IL1RAPL2: variants seen among roughly 807,000 people sequenced by gnomAD.
IL1RAPL2 encodes interleukin 1 receptor accessory protein like 2.
IL1RAPL2 carries 3 observed loss-of-function variants against 44.1 expected under a neutral mutation model. That is an observed-to-expected ratio of 0.07 (90% CI 0.03 to 0.18). The LOEUF (loss-of-function observed/expected upper bound fraction) is 0.18. Among genes scored for constraint, IL1RAPL2 ranks in the 10% least tolerant of loss-of-function variants. The pLI is 1.00. For synonymous variants in IL1RAPL2, 181 were observed against 178.8 expected (o/e 1.01, Z -0.10); for missense variants, 391 against 496.4 (o/e 0.79, Z 2.02).
At chrX:105,390,353 C>T (rs1233585038) in intron 5 of IL1RAPL2, among the ~76,000 whole-genome samples, 5 of 111,444 alleles carry the variant, frequency 4.5e-5, no homozygotes, top group African/African-American at 1.6e-4. Flanking sequence ...TAGAAATATT[C>T]ATATTGTTAT....
rs782039060 is a variant in IL1RAPL2 at position 105,229,465 on chromosome X, A to G, written c.357-4353A>G. On this transcript the variant is annotated intron_variant, in intron 3 of 10. Transcript: ENST00000372582. Reference sequence around the variant, plus strand: ...AAGCAGTTTGTCAGCATCTATTCACATGTCAGCATCTATTCACATGTCAGT... The same window carrying G: ...AAGCAGTTTGTCAGCATCTATTCACGTGTCAGCATCTATTCACATGTCAGT... Among the ~76,000 whole-genome samples the G allele has an allele frequency of 2.7e-5, 3 of 111,693 alleles. No homozygotes were observed. In the South Asian group the frequency reaches 1.1e-3, roughly 42 times the overall value.
At chrX:105,466,009 C>T (rs2036126394) in intron 5 of IL1RAPL2, among the ~76,000 whole-genome samples, 2 of 111,377 alleles carry the variant, frequency 1.8e-5, no homozygotes, top group African/African-American at 6.5e-5. Context: ...ATCTTCTAAA[C>T]CATCCCAATT....
Position 104,932,155 on chromosome X carries a change from C to T in IL1RAPL2, c.83-263320C>T, listed in dbSNP as rs1419359364. ...TACAGGCACCTGTCACCTGTCACCA[C>T]GCCCAGCTAATTTTTCTCTTTTTAG... On this transcript the variant is annotated intron_variant, in intron 2 of 10. Coordinates refer to ENST00000372582, the MANE Select transcript of IL1RAPL2 (RefSeq NM_017416.2). Among the ~76,000 whole-genome samples, 8 of 107,884 alleles carry T rather than the reference C, an allele frequency of 7.4e-5. No homozygotes were observed. In the Admixed American group the frequency reaches 8.1e-4, roughly 11 times the overall value. The allele number at this position is 107,884 out of a possible 115,157, so 93.7% of individuals were successfully genotyped here.
intron 5 of IL1RAPL2, among the ~76,000 whole-genome samples, chrX:105,423,583 A>T (rs997726396): frequency 1.8e-5 from 2 of 111,668 alleles, no homozygotes; most frequent in Non-Finnish European, 3.8e-5. Flanking sequence ...GGAACAAACA[A>T]CAACAACAAC....
intron 2 of IL1RAPL2, among the ~76,000 whole-genome samples, chrX:104,737,117 A>G (rs1338044701): frequency 8.9e-6 from 1 of 112,768 alleles, no homozygotes; most frequent in East Asian, 2.8e-4. Context: ...AGCCCATCTC[A>G]GTTCAAGTCA....
At chrX:104,734,146 T>C (rs1442748489) in intron 2 of IL1RAPL2, among the ~76,000 whole-genome samples, 1 of 112,208 alleles carries the variant, frequency 8.9e-6, no homozygotes, top group East Asian at 2.8e-4. Flanking sequence ...AGAATACAAT[T>C]ATCAGTGCTA....
At chrX:105,685,198 G>C (rs912526873) in intron 6 of IL1RAPL2, among the ~76,000 whole-genome samples, 1 of 112,114 alleles carries the variant, frequency 8.9e-6, no homozygotes, top group African/African-American at 3.2e-5. Flanking sequence ...GCTGGATGGA[G>C]AATGACTTTG....
At chrX:104,729,126 T>C in intron 2 of IL1RAPL2, among the ~76,000 whole-genome samples, 1 of 110,553 alleles carries the variant, frequency 9.0e-6, no homozygotes, top group Non-Finnish European at 1.9e-5. Context: ...TCACTCAATA[T>C]GAAGCAGGAA....
intron 5 of IL1RAPL2, among the ~76,000 whole-genome samples, chrX:105,386,449 A>T (rs1569432925): frequency 9.0e-6 from 1 of 111,122 alleles, no homozygotes; most frequent in Non-Finnish European, 1.9e-5. Context: ...TTTTGTTCTC[A>T]TGTGACATGA....
chrX:105,301,294 T>A (rs1176858415), intron 5 of IL1RAPL2, among the ~76,000 whole-genome samples: 1 of 111,764 alleles, frequency 8.9e-6, no homozygotes, highest in Non-Finnish European at 1.9e-5. Flanking sequence ...ATGGTAGGTA[T>A]ATACATTTCT....
intron 2 of IL1RAPL2, among the ~76,000 whole-genome samples, chrX:104,768,314 C>A (rs192234531): frequency 1.2e-4 from 13 of 111,545 alleles, no homozygotes; most frequent in Admixed American, 1.9e-4. Flanking sequence ...CTGCCTCAAC[C>A]CTTTCCCCCA....
chrX:105,656,667 G>T (rs756420189), intron 6 of IL1RAPL2, among the ~76,000 whole-genome samples: 1 of 111,761 alleles, frequency 8.9e-6, no homozygotes, highest in Non-Finnish European at 1.9e-5. Flanking sequence ...TACCTGTCAA[G>T]AAGTGGTATG....
At chrX:105,644,785 G>A (rs1003188815) in intron 6 of IL1RAPL2, among the ~76,000 whole-genome samples, 1 of 109,588 alleles carries the variant, frequency 9.1e-6, no homozygotes, top group African/African-American at 3.3e-5. Flanking sequence ...AACAGGCCTC[G>A]GTGTGTGATG....
intron 1 of IL1RAPL2, among the ~76,000 whole-genome samples, chrX:104,636,045 T>C (rs1401415035): frequency 1.2e-4 from 14 of 112,217 alleles, no homozygotes; most frequent in Non-Finnish European, 2.3e-4. Flanking sequence ...TTCTGTTTGT[T>C]AGTTTTCCTT....
intron 2 of IL1RAPL2, among the ~76,000 whole-genome samples, chrX:105,075,916 A>G (rs774903827): frequency 9.0e-6 from 1 of 111,373 alleles, no homozygotes; most frequent in East Asian, 2.8e-4. Flanking sequence ...CATCGTGTCT[A>G]TTTGATTCTT....
rs140236595 is a variant in IL1RAPL2 at position 105,364,158 on chromosome X, C to T, written c.697+96617C>T. On this transcript the variant is annotated intron_variant, in intron 5 of 10. Coordinates refer to ENST00000372582, the MANE Select transcript of IL1RAPL2 (RefSeq NM_017416.2). ...ACCTGTGGCTATTCAGTTTTCCCAACACAATTTATTGAAGAGACTATTCTT... is the reference window on the plus strand; with the variant it reads ...ACCTGTGGCTATTCAGTTTTCCCAATACAATTTATTGAAGAGACTATTCTT... Among the ~76,000 whole-genome samples the T allele has an allele frequency of 6.3e-3, 698 of 111,610 alleles. 4 individuals carry two copies. Among genetic ancestry groups the T allele is most frequent in the African/African-American group, 0.022 (667 of 30,823 alleles).
Position 105,550,246 on chromosome X carries a change from G to A in IL1RAPL2, c.772+65859G>A, listed in dbSNP as rs182138383. ...GTCCTCCACCACAATTAGCTTAGCC[G>A]TTATAAATTCCCTCATGTCTTATGT... On this transcript the variant is annotated intron_variant, in intron 6 of 10. Coordinates refer to ENST00000372582, the MANE Select transcript of IL1RAPL2 (RefSeq NM_017416.2). 1.4e-3 allele frequency among the ~76,000 whole-genome samples: 153 copies of A among 111,951 alleles called. 2 individuals carry two copies. Among genetic ancestry groups the A allele is most frequent in the African/African-American group, 4.9e-3 (150 of 30,840 alleles).
At chrX:105,562,209 A>G (rs938199553) in intron 6 of IL1RAPL2, among the ~76,000 whole-genome samples, 3 of 112,172 alleles carry the variant, frequency 2.7e-5, no homozygotes, top group Non-Finnish European at 5.6e-5. Flanking sequence ...ACCTGAAAAG[A>G]AAATTTAAAG....
intron 2 of IL1RAPL2, among the ~76,000 whole-genome samples, chrX:104,768,723 T>C (rs1469931083): frequency 5.4e-5 from 6 of 111,481 alleles, no homozygotes; most frequent in Non-Finnish European, 7.5e-5. Context: ...ACAATAGCAC[T>C]CTTGTTGAGA....
Sources: gnomAD v4.1 joint callset for allele counts (sites outside exome capture counted in the v4.1 genomes callset) on GRCh38, gnomAD v4.1.1 for gene constraint, MANE v1.5 for transcripts, NCBI Gene and HGNC (gene_info 2026-07-23, HGNC 2026-07-21) for gene names.